PRSS58: variants seen among roughly 807,000 people sequenced by gnomAD.
PRSS58 encodes the protein protease, serine 58.
A neutral mutation model predicts 25.0 loss-of-function variants in PRSS58; 31 were observed. The ratio of observed to expected loss-of-function variants is 1.24; its 90% CI spans 0.93 to 1.67. The LOEUF (loss-of-function observed/expected upper bound fraction) is 1.67, where lower values mean the gene tolerates loss of function less well. Among genes scored for constraint, PRSS58 ranks in the 40% most tolerant of loss-of-function variants. PRSS58 has a pLI of 0.00. For missense variants in PRSS58, 324 were observed against 287.9 expected (o/e 1.13, Z -0.91); for synonymous variants, 119 against 106.1 (o/e 1.12, Z -0.75).
intron 4 of PRSS58, among the ~76,000 whole-genome samples, chr7:142,254,405 G>A (rs1007374726): frequency 6.6e-5 from 10 of 152,138 alleles, no homozygotes; most frequent in African/African-American, 2.4e-4. Flanking sequence ...CTAGAACAAA[G>A]TTTAGATAGA....
chr7:142,255,995 A>G (rs1370347392), intron 2 of PRSS58, among the ~76,000 whole-genome samples: 1 of 152,196 alleles, frequency 6.6e-6, no homozygotes, highest in Non-Finnish European at 1.5e-5. Context: ...TACCAATTTT[A>G]GAATGCTTCA....
intron 4 of PRSS58, among the ~76,000 whole-genome samples, chr7:142,253,181 C>CA (rs1798498127): frequency 6.6e-6 from 1 of 151,986 alleles, no homozygotes. Context: ...GACTCCATCT[C>CA]AAAAAAACCC....
rs201510719 is a variant in PRSS58 at position 142,255,483 on chromosome 7, G to A, written c.179+52C>T. 1.5e-4 allele frequency: 239 copies of A among 1,611,794 alleles called. 1 individual carries two copies. The highest frequency in any genetic ancestry group is 3.4e-4 in the Middle Eastern group (2 of 5,908). ...GTCTCAGACAGGGGTGAGAGTCTGT[G>A]CCCAACCTGAGAACCCAAAGAATGG... On this transcript the variant is annotated intron_variant, in intron 3 of 5. Transcript: ENST00000547058.
intron 1 of PRSS58, 34 bp from the exon 2 acceptor site, chr7:142,257,782 C>T: frequency 8.2e-7 from 1 of 1,212,912 alleles, no homozygotes; most frequent in Non-Finnish European, 1.2e-6. Flanking sequence ...CTAAATAAAA[C>T]AAAGCAAGAT....
chr7:142,257,636 G>A, intron 2 of PRSS58, 32 bp downstream of exon 2: 2 of 1,574,998 alleles, frequency 1.3e-6, no homozygotes, highest in Non-Finnish European at 1.7e-6. Context: ...TTTCTCTTTG[G>A]TGGGTAAAGA....
intron 4 of PRSS58, among the ~76,000 whole-genome samples, chr7:142,253,137 C>T (rs1241086919): frequency 2.0e-5 from 3 of 152,228 alleles, no homozygotes; most frequent in South Asian, 2.1e-4. Context: ...GCCGAGACTG[C>T]GCCACTGCAC....
chr7:142,256,419 A>G (rs902273194), intron 2 of PRSS58, among the ~76,000 whole-genome samples: 3 of 152,100 alleles, frequency 2.0e-5, no homozygotes, highest in Admixed American at 1.3e-4. Context: ...AGAGAAAGGT[A>G]TTACCAATTG....
In PRSS58 at chr7:142,257,712, A is replaced by G. The variant is rs371827482; in HGVS notation, c.-5T>C. On this transcript the variant is annotated 5_prime_UTR_variant, in exon 2 of 6. Transcript: ENST00000547058. Reference sequence around the variant, plus strand: ...CCAGAGGAGGATAAACTTCATGATGATGTTGAAAGCCCAGTTTAGCTCCAG... The same window carrying G: ...CCAGAGGAGGATAAACTTCATGATGGTGTTGAAAGCCCAGTTTAGCTCCAG... 1 of 1,612,554 alleles carries G rather than the reference A, an allele frequency of 6.2e-7. No homozygotes were observed. The highest frequency in any genetic ancestry group is 8.5e-7 in the Non-Finnish European group (1 of 1,178,736).
intron 2 of PRSS58, 34 bp from the exon 3 acceptor site, chr7:142,255,707 A>T: frequency 1.3e-6 from 2 of 1,559,078 alleles, no homozygotes; most frequent in South Asian, 2.4e-5. Context: ...AAATTCCAAG[A>T]TTTCTCAGTC....
intron 2 of PRSS58, 74 bp downstream of exon 2, chr7:142,257,594 G>A (rs773445869): frequency 9.4e-6 from 12 of 1,278,120 alleles, no homozygotes; most frequent in East Asian, 7.0e-5. Flanking sequence ...GATGCCTCTC[G>A]CTGTTACCCG....
chr7:142,252,198 A>G lies in PRSS58; in HGVS notation c.*23T>C. 4 of 1,599,228 alleles carry G rather than the reference A, an allele frequency of 2.5e-6. No homozygotes were observed. The highest frequency in any genetic ancestry group is 3.4e-6 in the Non-Finnish European group (4 of 1,173,010). On this transcript the variant is annotated 3_prime_UTR_variant, in exon 6 of 6. Coordinates refer to ENST00000547058, the MANE Select transcript of PRSS58 (RefSeq NM_001001317.5). Reference sequence around the variant, plus strand: ...GTGAACGATGGGGACAAGCTGTGTCATATGGTCCACAACTGCCACAGCTCA... The same window carrying G: ...GTGAACGATGGGGACAAGCTGTGTCGTATGGTCCACAACTGCCACAGCTCA...
At chr7:142,256,265 T>C (rs1339984558) in intron 2 of PRSS58, among the ~76,000 whole-genome samples, 1 of 152,244 alleles carries the variant, frequency 6.6e-6, no homozygotes, top group East Asian at 1.9e-4. Context: ...TTAATGAAGA[T>C]ATTCAGTAAT....
chr7:142,257,677 T>A lies in PRSS58; in HGVS notation c.31A>T (p.Asn11Tyr), dbSNP rs375660182. 5 of 1,613,118 alleles carry A rather than the reference T, an allele frequency of 3.1e-6. No homozygotes were observed. The South Asian group carries it at 3.3e-5, about 11-fold the overall frequency. ...ATATGCACACACTCACCAGTCAGAT[T>A]CAAGAGAGCCCAGAGGAGGATAAAC... MKFILLWALL[N>Y]LTVALAFNPD... Residue 11 changes from asparagine (N) to tyrosine (Y), a missense_variant, in exon 2 of 6, where the codon AAT (asparagine) becomes TAT (tyrosine). Transcript: ENST00000547058.
At chr7:142,256,858 A>G (rs1328868146) in intron 2 of PRSS58, among the ~76,000 whole-genome samples, 3 of 152,206 alleles carry the variant, frequency 2.0e-5, no homozygotes, top group African/African-American at 7.2e-5. Flanking sequence ...ATCTGGGTGA[A>G]GGGACTCCAG....
At chr7:142,252,733 G>T (rs1204845675) in intron 4 of PRSS58, 122 bp from the exon 5 acceptor site, 3 of 1,063,288 alleles carry the variant, frequency 2.8e-6, no homozygotes, top group Non-Finnish European at 4.0e-6. Flanking sequence ...AGAGAAGTCA[G>T]AACTGTGGCA....
rs1481665823 is a variant in PRSS58, at chr7:142,255,177, A to G, written c.314T>C (p.Ile105Thr). 6.2e-7 allele frequency: 1 copy of G among 1,614,148 alleles called. No homozygotes were observed. Among genetic ancestry groups the G allele is most frequent in the Non-Finnish European group, 8.5e-7 (1 of 1,180,004 alleles). Reference protein sequence around the residue: ...VTSIDHDIMLIKLKTEAELND... With the variant: ...VTSIDHDIMLTKLKTEAELND... The stretch of plus-strand genomic sequence containing the variant: ...GAGTTCAGCCTCTGTTTTCAGCTTG[A>G]TTAGCATGATGTCATGATCAATAGA... The change falls in exon 4 of 6, where the codon ATC becomes ACC. Residue 105 changes from isoleucine (I) to threonine (T), a missense_variant. Ile to Thr is a moderately conservative substitution (Grantham distance 89). Transcript: ENST00000547058.
intron 5 of PRSS58, 42 bp from the exon 6 acceptor site, chr7:142,252,412 A>G: frequency 6.2e-7 from 1 of 1,611,326 alleles, no homozygotes; most frequent in Non-Finnish European, 8.5e-7. Context: ...AAAGCAGATT[A>G]TCTTTCTGGC....
chr7:142,252,662 A>G, intron 4 of PRSS58, 51 bp from the exon 5 acceptor site: 1 of 1,553,232 alleles, frequency 6.4e-7, no homozygotes, highest in Non-Finnish European at 8.6e-7. Flanking sequence ...TTAGGTATTA[A>G]AACTTCTTTT....
intron 4 of PRSS58, among the ~76,000 whole-genome samples, chr7:142,254,835 C>T (rs569552892): frequency 6.6e-6 from 1 of 152,098 alleles, no homozygotes; most frequent in South Asian, 2.1e-4. Flanking sequence ...CCACTAAAAC[C>T]ACTTCTATCA....
Sources: allele counts gnomAD v4.1 joint callset (sites outside exome capture counted in the v4.1 genomes callset), GRCh38; gene constraint gnomAD v4.1.1; transcripts MANE v1.5; gene names NCBI Gene and HGNC (gene_info 2026-07-23, HGNC 2026-07-21).